Variants in KSR2 observed in about 807,000 individuals in gnomAD.
KSR2 encodes kinase suppressor of ras 2.
In KSR2, 25 loss-of-function variants were observed where a neutral mutation model predicts 107.8. That is an observed-to-expected ratio of 0.23 (90% CI 0.17 to 0.32). KSR2 has a LOEUF of 0.32. Ranked by LOEUF, KSR2 falls within the 10% of genes least tolerant of loss-of-function variation. KSR2 has a pLI of 1.00. For synonymous variants in KSR2, 480 were observed against 507.0 expected, an observed-to-expected ratio of 0.95 and a Z score of 0.71; for missense variants, 887 against 1,268.9, an observed-to-expected ratio of 0.70 and a Z score of 4.57.
intron 4 of KSR2, among the ~76,000 whole-genome samples, chr12:117,682,351 G>T (rs1885398579): frequency 6.6e-6 from 1 of 152,084 alleles, no homozygotes. Flanking sequence ...GATAGGTGCA[G>T]CAAACCACCA....
chr12:117,895,404 GGCT>G, intron 1 of KSR2, among the ~76,000 whole-genome samples: 1 of 152,166 alleles, frequency 6.6e-6, no homozygotes, highest in African/African-American at 2.4e-5. Flanking sequence ...TCTCTAACTT[GGCT>G]GCACATGGAA....
At chr12:117,941,792 A>AT (rs542293863) in intron 1 of KSR2, among the ~76,000 whole-genome samples, 64,583 of 97,762 alleles carry the variant, frequency 0.66, 22,512 homozygotes, top group Non-Finnish European at 0.74. Flanking sequence ...GGCCTGGCTA[A>AT]TTTTTTTTTT....
intron 3 of KSR2, among the ~76,000 whole-genome samples, chr12:117,768,777 A>C (rs1332843364): frequency 6.6e-6 from 1 of 152,208 alleles, no homozygotes; most frequent in African/African-American, 2.4e-5. Flanking sequence ...AAAGTTATAG[A>C]CCCACGGAAC....
intron 4 of KSR2, among the ~76,000 whole-genome samples, chr12:117,754,843 C>A (rs925588568): frequency 6.6e-6 from 1 of 152,138 alleles, no homozygotes; most frequent in African/African-American, 2.4e-5. Flanking sequence ...TTCCTCCAAC[C>A]CAAGACCTCC....
intron 9 of KSR2, among the ~76,000 whole-genome samples, chr12:117,550,438 G>A (rs962294057): frequency 2.6e-5 from 4 of 152,178 alleles, no homozygotes; most frequent in Non-Finnish European, 4.4e-5. Flanking sequence ...AACAGCCTTT[G>A]TTCAATGGAC....
At chr12:117,524,486 C>A (rs1415644350) in intron 14 of KSR2, among the ~76,000 whole-genome samples, 4 of 152,006 alleles carry the variant, frequency 2.6e-5, no homozygotes, top group African/African-American at 9.7e-5. Context: ...GGCAACATAG[C>A]AAGACCCCAT....
At chr12:117,810,060 G>C (rs1012175833) in intron 3 of KSR2, among the ~76,000 whole-genome samples, 1 of 152,178 alleles carries the variant, frequency 6.6e-6, no homozygotes, top group Non-Finnish European at 1.5e-5. Flanking sequence ...GCCCGAATGA[G>C]CCTTTGCTGA....
At chr12:117,574,308 G>C (rs1019972402) in intron 7 of KSR2, among the ~76,000 whole-genome samples, 16 of 152,064 alleles carry the variant, frequency 1.1e-4, no homozygotes, top group African/African-American at 3.6e-4. Context: ...AGATCACCTA[G>C]AGAAGTGTTT....
chr12:117,686,408 G>C (rs1366306664), intron 4 of KSR2, among the ~76,000 whole-genome samples: 6 of 151,792 alleles, frequency 4.0e-5, no homozygotes, highest in African/African-American at 1.5e-4. Context: ...TGCAGATGAA[G>C]AAACAGAGGG....
intron 1 of KSR2, among the ~76,000 whole-genome samples, chr12:117,876,503 C>T (rs1159257146): frequency 6.6e-6 from 1 of 152,146 alleles, no homozygotes; most frequent in African/African-American, 2.4e-5. Context: ...ATGGTTTTTC[C>T]TTTTCTCTAC....
In KSR2 at chr12:117,842,822, G is replaced by C. The variant is rs1009950037; in HGVS notation, c.472+12606C>G. Among the ~76,000 whole-genome samples the C allele has an allele frequency of 3.3e-5, 5 of 152,150 alleles. No homozygotes were observed. The highest frequency in any genetic ancestry group is 1.2e-4 in the African/African-American group (5 of 41,438). ...AGAAAGAGAAAGTGGGCTGCAGGGG[G>C]ACAGGACAGGTGGATGAAGCCTTGG... is the stretch of plus-strand genomic sequence containing the variant. On this transcript the variant is annotated intron_variant, in intron 3 of 19. Coordinates refer to ENST00000339824, the MANE Select transcript of KSR2 (RefSeq NM_173598.6). This position sits in a 1 kb window ranked among gnomAD's most constrained non-coding sequence, Gnocchi z 4.2.
intron 5 of KSR2, among the ~76,000 whole-genome samples, chr12:117,646,567 G>T (rs78780088): frequency 0.031 from 4,692 of 152,168 alleles, 241 homozygotes; most frequent in African/African-American, 0.11. Context: ...GAGGGTTTGG[G>T]GAATAGAAAG....
intron 1 of KSR2, among the ~76,000 whole-genome samples, chr12:117,933,612 CA>C (rs1423142931): frequency 6.6e-6 from 1 of 151,886 alleles, no homozygotes; most frequent in Non-Finnish European, 1.5e-5. Flanking sequence ...ATAAAGTATG[CA>C]TTGTTTATCT....
At position 117,659,565 on chromosome 12, in the gene KSR2, C is replaced by T. The variant is rs1386022190; in HGVS notation, c.1171+7909G>A. The stretch of plus-strand genomic sequence containing the variant: ...GCACTTTGAGTGGCAGCAGAGACTG[C>T]TGTTCTGCAACCCTCTTGATATAAT... On this transcript the variant is annotated intron_variant, in intron 5 of 19. Transcript: ENST00000339824. 4.5e-4 allele frequency among the ~76,000 whole-genome samples: 68 copies of T among 152,216 alleles called. 1 individual carries two copies. The highest frequency in any genetic ancestry group is 5.9e-5 in the Non-Finnish European group (4 of 68,042).
At position 117,958,735 on chromosome 12, in the gene KSR2, TG is replaced by T. The variant is rs368661152; in HGVS notation, c.180+9340del. ...ACTCGGGAGGCTGAGGCGCAAGAATTGCTTGAACCTGGGAGACAGAGGTTGT... is the reference window on the plus strand; with the variant it reads ...ACTCGGGAGGCTGAGGCGCAAGAATTCTTGAACCTGGGAGACAGAGGTTGT... On this transcript the variant is annotated intron_variant, in intron 1 of 19. Coordinates refer to ENST00000339824, the MANE Select transcript of KSR2 (RefSeq NM_173598.6). 2.4e-4 allele frequency among the ~76,000 whole-genome samples: 37 copies of T among 152,234 alleles called. No individual in the cohort carries two copies. In the East Asian group the frequency reaches 3.5e-3, roughly 14 times the overall value.
chr12:117,711,231 AAC>A (rs1170495170), intron 4 of KSR2, among the ~76,000 whole-genome samples: 11 of 152,244 alleles, frequency 7.2e-5, no homozygotes, highest in Non-Finnish European at 1.6e-4. Context: ...CCATTAAGGA[AAC>A]ACACCAGGAG....
At chr12:117,604,602 T>C (rs1881129373) in intron 5 of KSR2, among the ~76,000 whole-genome samples, 1 of 152,218 alleles carries the variant, frequency 6.6e-6, no homozygotes, top group South Asian at 2.1e-4. Context: ...AGTTTTTTCA[T>C]GATAAAGGGG....
chr12:117,641,747 C>G (rs1015287355), intron 5 of KSR2, among the ~76,000 whole-genome samples: 2 of 152,070 alleles, frequency 1.3e-5, no homozygotes, highest in Non-Finnish European at 2.9e-5. Flanking sequence ...AGCAGACTTA[C>G]CTGTCAGGTA....
chr12:117,769,215 T>C (rs979168976), intron 3 of KSR2, among the ~76,000 whole-genome samples: 10 of 152,004 alleles, frequency 6.6e-5, no homozygotes, highest in African/African-American at 2.4e-4. Context: ...TAAAATCTCA[T>C]CTTAGTGGGT....
Sources: gnomAD v4.1 joint callset for allele counts (sites outside exome capture counted in the v4.1 genomes callset) on GRCh38, gnomAD v4.1.1 for gene constraint, Gnocchi (gnomAD v3.1) non-coding constraint, MANE v1.5 for transcripts, NCBI Gene and HGNC (gene_info 2026-07-23, HGNC 2026-07-21) for gene names.